Variants in SLCO5A1 observed in about 807,000 individuals in gnomAD.
SLCO5A1 encodes the protein organic anion transporter polypeptide-related protein 4.
In SLCO5A1, 39 loss-of-function variants were observed where a neutral mutation model predicts 65.1. The ratio of observed to expected loss-of-function variants is 0.60; its 90% CI spans 0.46 to 0.78. SLCO5A1 has a LOEUF of 0.78. Among genes scored for constraint, SLCO5A1 ranks in the 30% least tolerant of loss-of-function variants. The pLI is 0.00. For missense variants in SLCO5A1, 1,029 were observed against 1,069.4 expected, an observed-to-expected ratio of 0.96 and a Z score of 0.53; for synonymous variants, 438 against 415.7, an observed-to-expected ratio of 1.05 and a Z score of -0.65.
At chr8:69,686,238 A>AAAAAAAAG (rs1159085565) in intron 6 of SLCO5A1, among the ~76,000 whole-genome samples, 15 of 151,974 alleles carry the variant, frequency 9.9e-5, no homozygotes, top group South Asian at 4.2e-4. Context: ...CAGCAAAAAA[A>AAAAAAAAG]AGAGAGAGAA....
intron 2 of SLCO5A1, among the ~76,000 whole-genome samples, chr8:69,806,382 T>C (rs1477920731): frequency 3.9e-5 from 6 of 152,182 alleles, no homozygotes; most frequent in Admixed American, 3.9e-4. Flanking sequence ...CACATAAGAG[T>C]CTAAGTTCCA....
At chr8:69,812,297 C>T (rs890090964) in intron 2 of SLCO5A1, among the ~76,000 whole-genome samples, 4 of 152,170 alleles carry the variant, frequency 2.6e-5, no homozygotes, top group Non-Finnish European at 5.9e-5. Context: ...AAAAAAATCA[C>T]AGCTTAGATT....
chr8:69,768,441 G>C (rs1446041298), intron 2 of SLCO5A1, among the ~76,000 whole-genome samples: 3 of 152,102 alleles, frequency 2.0e-5, no homozygotes, highest in African/African-American at 7.2e-5. Context: ...GACTTATATA[G>C]ATTTAGACTG....
chr8:69,805,097 C>A (rs776291360), intron 2 of SLCO5A1, among the ~76,000 whole-genome samples: 1 of 151,654 alleles, frequency 6.6e-6, no homozygotes, highest in Non-Finnish European at 1.5e-5. Flanking sequence ...GAGTGCACAT[C>A]CAAGATAACT....
intron 2 of SLCO5A1, among the ~76,000 whole-genome samples, chr8:69,796,620 C>T (rs551624559): frequency 1.4e-5 from 2 of 147,332 alleles, no homozygotes; most frequent in Admixed American, 6.8e-5. Flanking sequence ...CTGTCTCAAA[C>T]ATTTTATATA....
intron 4 of SLCO5A1, among the ~76,000 whole-genome samples, chr8:69,739,671 T>G (rs1215968061): frequency 1.3e-5 from 2 of 152,248 alleles, no homozygotes; most frequent in Non-Finnish European, 1.5e-5. Flanking sequence ...CTAAATTTAA[T>G]GTTCTATATT....
intron 2 of SLCO5A1, among the ~76,000 whole-genome samples, chr8:69,808,393 C>G (rs1271618413): frequency 6.6e-6 from 1 of 152,100 alleles, no homozygotes; most frequent in Non-Finnish European, 1.5e-5. Context: ...TGTTTAGCTC[C>G]CACTTATAAG....
chr8:69,691,962 T>C (rs1814279519), intron 6 of SLCO5A1, among the ~76,000 whole-genome samples: 1 of 152,100 alleles, frequency 6.6e-6, no homozygotes, highest in African/African-American at 2.4e-5. Context: ...AAAAATAAAG[T>C]ATAAGGCCGG....
At chr8:69,734,618 G>C (rs907928995) in intron 5 of SLCO5A1, among the ~76,000 whole-genome samples, 1 of 152,192 alleles carries the variant, frequency 6.6e-6, no homozygotes, top group East Asian at 1.9e-4. Flanking sequence ...GGCATTCAAT[G>C]GCAATGTGAA....
At chr8:69,693,883 G>A (rs559821347) in intron 6 of SLCO5A1, among the ~76,000 whole-genome samples, 1 of 152,328 alleles carries the variant, frequency 6.6e-6, no homozygotes, top group East Asian at 1.9e-4. Context: ...ACTATCTGTA[G>A]TCTCACCTTA....
Position 69,828,891 on chromosome 8 carries a change from C to G in SLCO5A1, c.907+2876G>C, listed in dbSNP as rs528878995. Among the ~76,000 whole-genome samples the G allele has an allele frequency of 2.6e-5, 4 of 152,268 alleles. No homozygotes were observed. In the South Asian group the frequency reaches 8.3e-4, roughly 32 times the overall value. Reference sequence around the variant, plus strand: ...AGGGCTGTTGTTAGTGGATGTTCTCCCTTTCGATAGGGTTCTGCCTGTAAT... The same window carrying G: ...AGGGCTGTTGTTAGTGGATGTTCTCGCTTTCGATAGGGTTCTGCCTGTAAT... On this transcript the variant is annotated intron_variant, in intron 2 of 9. Transcript: ENST00000260126.
chr8:69,736,192 C>G (rs1018481528), intron 5 of SLCO5A1, among the ~76,000 whole-genome samples: 1 of 152,242 alleles, frequency 6.6e-6, no homozygotes, highest in South Asian at 2.1e-4. Flanking sequence ...CTGCACTTTC[C>G]TGGCCAAGTG....
intron 6 of SLCO5A1, among the ~76,000 whole-genome samples, chr8:69,695,508 T>TA (rs1258423572): frequency 6.7e-6 from 1 of 149,764 alleles, no homozygotes; most frequent in Non-Finnish European, 1.5e-5. Context: ...AAATAAAAAA[T>TA]AAAAAAAAGA....
intron 5 of SLCO5A1, among the ~76,000 whole-genome samples, chr8:69,732,935 A>G (rs59039323): frequency 0.35 from 53,552 of 151,996 alleles, 9,967 homozygotes; most frequent in Middle Eastern, 0.45. Flanking sequence ...AAGGAGTACA[A>G]GACTCTAGCA....
chr8:69,698,630 T>C (rs1378674083), intron 6 of SLCO5A1, among the ~76,000 whole-genome samples: 1 of 152,254 alleles, frequency 6.6e-6, no homozygotes, highest in Admixed American at 6.5e-5. Context: ...TTTTTTCATA[T>C]GCTTGTTGGC....
chr8:69,784,781 C>G (rs1454067552), intron 2 of SLCO5A1, among the ~76,000 whole-genome samples: 1 of 71,342 alleles, frequency 1.4e-5, no homozygotes, highest in African/African-American at 6.9e-5. Flanking sequence ...GAGCAAGACT[C>G]TGTCTGAAAA....
chr8:69,738,074 A>C lies in SLCO5A1; in HGVS notation c.1389T>G (p.Phe463Leu), dbSNP rs1816636697. The change falls in exon 5 of 10, where the codon TTT (phenylalanine) becomes TTG (leucine). Residue 463 changes from phenylalanine to leucine, a missense_variant. Physicochemically the swap from Phe to Leu is conservative, Grantham distance 22. This residue lies in a region of SLCO5A1 where 647 missense variants were observed against 647.5 expected (regional missense o/e 1.00). Transcript: ENST00000260126. ...TFIPKFIESQ[F>L]GIPASNASIY... The stretch of plus-strand genomic sequence containing the variant: ...TGCTGGCATTGGAGGCTGGGATACC[A>C]AACTGTGACTCGATGAACTTGGGAA... The C allele has an allele frequency of 6.2e-7, 1 of 1,613,774 alleles. No individual in the cohort carries two copies. Among genetic ancestry groups the C allele is most frequent in the African/African-American group, 1.3e-5 (1 of 74,910 alleles).
chr8:69,763,663 A>AAAC (rs1323489689), intron 2 of SLCO5A1, among the ~76,000 whole-genome samples: 3 of 149,812 alleles, frequency 2.0e-5, no homozygotes, highest in African/African-American at 7.3e-5. Flanking sequence ...GGTGTATAGC[A>AAAC]AACAACAACA....
intron 2 of SLCO5A1, among the ~76,000 whole-genome samples, chr8:69,827,459 G>A (rs750880744): frequency 6.6e-6 from 1 of 152,048 alleles, no homozygotes; most frequent in Non-Finnish European, 1.5e-5. Context: ...TCTCATCTAC[G>A]ACCACATCTC....
Sources: allele counts gnomAD v4.1 joint callset (sites outside exome capture counted in the v4.1 genomes callset), GRCh38; gene constraint gnomAD v4.1.1; regional missense constraint gnomAD v4.1.1; transcripts MANE v1.5; gene names NCBI Gene and HGNC (gene_info 2026-07-23, HGNC 2026-07-21).